Variants in CUBN observed in about 807,000 individuals in gnomAD.
The protein encoded by CUBN is 460 kDa receptor.
A neutral mutation model predicts 405.3 loss-of-function variants in CUBN; 282 were observed. The ratio of observed to expected loss-of-function variants is 0.70; its 90% CI spans 0.63 to 0.77. CUBN has a LOEUF of 0.77. CUBN is among the 30% of genes least tolerant of loss of function. The pLI is 0.00. For missense variants in CUBN, 4,514 were observed against 4,475.2 expected, an observed-to-expected ratio of 1.01 and a Z score of -0.25; for synonymous variants, 1,684 against 1,617.0, an observed-to-expected ratio of 1.04 and a Z score of -0.99.
intron 17 of CUBN, among the ~76,000 whole-genome samples, chr10:17,079,293 T>C (rs1328158492): frequency 6.7e-6 from 1 of 148,402 alleles, no homozygotes; most frequent in Admixed American, 6.9e-5. Context: ...TGGAGTATAG[T>C]GGCGTGATTT....
chr10:16,914,053 G>A (rs1588644961), intron 47 of CUBN, 61 bp from the exon 48 acceptor site: 1 of 1,567,810 alleles, frequency 6.4e-7, no homozygotes, highest in Non-Finnish European at 8.8e-7. Context: ...CTTCCATCAA[G>A]AAAGCTCTCA....
intron 17 of CUBN, among the ~76,000 whole-genome samples, chr10:17,080,437 T>C (rs1326367761): frequency 6.6e-6 from 1 of 152,210 alleles, no homozygotes; most frequent in Non-Finnish European, 1.5e-5. Flanking sequence ...TTATTGATTA[T>C]ATTTTTCAAC....
At chr10:16,908,273 G>A (rs1233031061) in intron 48 of CUBN, among the ~76,000 whole-genome samples, 1 of 151,942 alleles carries the variant, frequency 6.6e-6, no homozygotes, top group East Asian at 1.9e-4. Context: ...AGCCTCCCAA[G>A]CAGCTGAGAT....
At position 16,898,998 on chromosome 10, in the gene CUBN, T is replaced by C. The variant is rs1314902724; in HGVS notation, c.8596A>G (p.Lys2866Glu). The change falls in exon 54 of 67, where the codon AAG (lysine) becomes GAG (glutamate). Residue 2866 changes from lysine to glutamate, a missense_variant and splice_region_variant. By Grantham distance (56) the Lys-to-Glu change is moderately conservative. Around this residue, in one of 5 missense-constraint regions of CUBN, gnomAD observed 1,186 missense variants for 1,186.9 expected, o/e 1.00. Transcript: ENST00000377833. ...GDGQCQNSFVKVWAGTEEVDK... is the reference protein window; with the variant it reads ...GDGQCQNSFVEVWAGTEEVDK... ...ATTAAATGAACAAGTGTACTAACCT[T>C]CACGAAGCTATTCTGACATTGTCCA... 6.2e-7 allele frequency: 1 copy of C among 1,606,710 alleles called. No homozygotes were observed. The highest frequency in any genetic ancestry group is 8.5e-7 in the Non-Finnish European group (1 of 1,173,276).
At chr10:16,980,890 A>G (rs1306826668) in intron 31 of CUBN, among the ~76,000 whole-genome samples, 2 of 44,734 alleles carry the variant, frequency 4.5e-5, no homozygotes, top group African/African-American at 8.8e-5. Context: ...ATTTAAAAAC[A>G]GAAAGAAAAA....
chr10:16,966,230 G>A (rs1006817003), intron 31 of CUBN, among the ~76,000 whole-genome samples: 19 of 152,178 alleles, frequency 1.2e-4, no homozygotes, highest in African/African-American at 4.6e-4. Flanking sequence ...CCATTCCAGT[G>A]AACGTGCATG....
At chr10:17,084,216 G>T in intron 17 of CUBN, 55 bp downstream of exon 17, 1 of 1,563,370 alleles carries the variant, frequency 6.4e-7, no homozygotes, top group Non-Finnish European at 8.8e-7. Context: ...CCACTCTGCA[G>T]AATATAAAAA....
At position 16,889,146 on chromosome 10, in the gene CUBN, T is replaced by C. The variant is rs181880511; in HGVS notation, c.8756-580A>G. On this transcript the variant is annotated intron_variant, in intron 55 of 66. Coordinates refer to ENST00000377833, the MANE Select transcript of CUBN (RefSeq NM_001081.4). Reference sequence around the variant, plus strand: ...AAATGATTTGTTTTCATATAACCATTGACTAGTTAATCCACTTCACTCTCT... The same window carrying C: ...AAATGATTTGTTTTCATATAACCATCGACTAGTTAATCCACTTCACTCTCT... Among the ~76,000 whole-genome samples the C allele has an allele frequency of 5.3e-5, 8 of 152,304 alleles. No individual in the cohort carries two copies. The East Asian group carries it at 1.5e-3, about 29-fold the overall frequency.
chr10:17,083,477 C>T (rs905519862), intron 17 of CUBN, among the ~76,000 whole-genome samples: 1 of 137,850 alleles, frequency 7.3e-6, no homozygotes, highest in Non-Finnish European at 1.5e-5. Flanking sequence ...TGTACTCTAG[C>T]CTGGGCAACA....
chr10:16,966,487 C>T (rs1369208002), intron 31 of CUBN, among the ~76,000 whole-genome samples: 1 of 151,456 alleles, frequency 6.6e-6, no homozygotes, highest in Admixed American at 6.6e-5. Context: ...CTCGCTCTGT[C>T]GCCCAGAATG....
chr10:17,039,709 T>C (rs866500516), intron 27 of CUBN, among the ~76,000 whole-genome samples: 14 of 152,206 alleles, frequency 9.2e-5, no homozygotes, highest in Admixed American at 8.5e-4. Context: ...TTTAAAACCA[T>C]TGCCAAGTAC....
At chr10:17,032,422 A>G (rs1834805782) in intron 27 of CUBN, among the ~76,000 whole-genome samples, 1 of 152,150 alleles carries the variant, frequency 6.6e-6, no homozygotes, top group South Asian at 2.1e-4. Context: ...TGCAGCACTG[A>G]GTGTGAACGT....
At chr10:17,065,135 C>T (rs906188411) in intron 22 of CUBN, among the ~76,000 whole-genome samples, 1 of 140,448 alleles carries the variant, frequency 7.1e-6, no homozygotes, top group East Asian at 2.0e-4. Context: ...TCTCTCCCCC[C>T]CCCCCCACAC....
chr10:16,880,932 A>T (rs1166401814), intron 56 of CUBN, among the ~76,000 whole-genome samples: 1 of 152,206 alleles, frequency 6.6e-6, no homozygotes, highest in African/African-American at 2.4e-5. Context: ...AAGCAATATG[A>T]TGTGGAAAAA....
chr10:17,108,442 C>A (rs539041406), intron 10 of CUBN, among the ~76,000 whole-genome samples: 26 of 151,452 alleles, frequency 1.7e-4, no homozygotes, highest in African/African-American at 6.1e-4. Context: ...TCTATATATG[C>A]AAGTATATGA....
In CUBN at chr10:16,990,517, T is replaced by C; in HGVS notation, c.4169-2A>G. On this transcript the variant is annotated splice_acceptor_variant, in intron 28 of 66. Coordinates refer to ENST00000377833, the MANE Select transcript of CUBN (RefSeq NM_001081.4). LOFTEE classifies it high-confidence loss of function. ...CCCCAGACAGCTCTCCACCACAACC[T>C]GTTAAAACAGAAAGGTTCAGTCAGT... 2 of 1,614,082 alleles carry C rather than the reference T, an allele frequency of 1.2e-6. No homozygotes were observed. Among genetic ancestry groups the C allele is most frequent in the Non-Finnish European group, 1.7e-6 (2 of 1,179,984 alleles).
At position 16,982,606 on chromosome 10, in the gene CUBN, T is replaced by C. The variant is rs1189933015; in HGVS notation, c.4573A>G (p.Asn1525Asp). 3.7e-6 allele frequency: 6 copies of C among 1,613,484 alleles called. No homozygotes were observed. Among genetic ancestry groups the C allele is most frequent in the Non-Finnish European group, 5.1e-6 (6 of 1,179,458 alleles). ...TTGCTCCTATAAGGACTGGGGTAAT[T>C]TGGAGAATGAATCTCTCCACTGGGA... ...QAPSGEIHSP[N>D]YPSPYRSNTD... Residue 1525 changes from asparagine (N) to aspartate (D), a missense_variant, in exon 31 of 67, where the codon AAT (asparagine) becomes GAT (aspartate). Physicochemically the swap from Asn to Asp is conservative, Grantham distance 23 (BLOSUM62 1). Transcript: ENST00000377833.
chr10:17,115,558 T>G lies in CUBN; in HGVS notation c.633A>C (p.Ala211=). ...CPPETYGPQC[A]SKYDDCEGGS... ...CCCCTTCACAGTCGTCATATTTGGA[T>G]GCACACTGGGGTCCGTACGTCTCAG... is the stretch of plus-strand genomic sequence containing the variant. The change falls in exon 7 of 67, where the codon GCA becomes GCC. Residue 211 remains alanine, a synonymous_variant. Coordinates refer to ENST00000377833, the MANE Select transcript of CUBN (RefSeq NM_001081.4). 1.9e-6 allele frequency: 3 copies of G among 1,614,202 alleles called. No individual in the cohort carries two copies. The highest frequency in any genetic ancestry group is 2.5e-6 in the Non-Finnish European group (3 of 1,180,030).
chr10:17,122,567 G>C (rs1301250104), intron 6 of CUBN: 8 of 585,700 alleles, frequency 1.4e-5, no homozygotes, highest in African/African-American at 1.1e-4. Flanking sequence ...GTTCCTTGGG[G>C]ATGTTAGAGC....
Sources: allele counts gnomAD v4.1 joint callset (sites outside exome capture counted in the v4.1 genomes callset), GRCh38; gene constraint gnomAD v4.1.1; regional missense constraint gnomAD v4.1.1; transcripts MANE v1.5; gene names NCBI Gene and HGNC (gene_info 2026-07-23, HGNC 2026-07-21).